Variants in PLPPR4 observed in about 807,000 individuals in gnomAD.
The protein encoded by PLPPR4 is phospholipid phosphatase-related protein type 4.
A neutral mutation model predicts 56.6 loss-of-function variants in PLPPR4; 24 were observed. That is an observed-to-expected ratio of 0.42 (90% CI 0.31 to 0.60). PLPPR4 has a LOEUF of 0.60. Ranked by LOEUF, PLPPR4 falls within the 20% of genes least tolerant of loss-of-function variation. The pLI is 0.13. For missense variants in PLPPR4, 654 were observed against 885.8 expected (o/e 0.74, Z 3.32); for synonymous variants, 326 against 328.1 (o/e 0.99, Z 0.07).
intron 1 of PLPPR4, among the ~76,000 whole-genome samples, chr1:99,264,980 C>T (rs1658854161): frequency 1.3e-5 from 2 of 152,168 alleles, no homozygotes; most frequent in African/African-American, 2.4e-5. Context: ...GCACAACGTC[C>T]GCTAGTGCCC....
Position 99,306,674 on chromosome 1 carries a change from T to C in PLPPR4, c.1812T>C (p.Pro604=). ...EGSGSWKWKA[P]EKGSLRQTYE... is the part of the protein sequence containing the mutation. ...GTGGCTCCTGGAAGTGGAAAGCCCC[T>C]GAAAAGGGCAGCCTTCGCCAAACTT... The change falls in exon 7 of 7, where the codon CCT becomes CCC. Residue 604 remains proline (P), a synonymous_variant. Transcript: ENST00000370185. The surrounding 1 kb of genome is among the most constrained non-coding windows in gnomAD (Gnocchi z 4.0). The C allele has an allele frequency of 1.2e-6, 2 of 1,614,036 alleles. No homozygotes were observed. Among genetic ancestry groups the C allele is most frequent in the Non-Finnish European group, 1.7e-6 (2 of 1,180,000 alleles).
chr1:99,291,370 T>C (rs1205784347), intron 2 of PLPPR4, among the ~76,000 whole-genome samples: 1 of 152,202 alleles, frequency 6.6e-6, no homozygotes, highest in East Asian at 1.9e-4. Context: ...AGAGTGGTGA[T>C]TCCTCAAAGA....
chr1:99,269,778 T>C (rs745496433), intron 1 of PLPPR4, among the ~76,000 whole-genome samples: 1 of 152,082 alleles, frequency 6.6e-6, no homozygotes, highest in Non-Finnish European at 1.5e-5. Context: ...GGGCTACAGA[T>C]AGAGAAAAGA....
intron 3 of PLPPR4, 23 bp from the exon 4 acceptor site, chr1:99,299,012 A>G (rs1463532604): frequency 3.2e-6 from 5 of 1,572,716 alleles, no homozygotes; most frequent in African/African-American, 1.3e-5. Context: ...ACTTGGTAAC[A>G]ATTTCTTTCA....
chr1:99,298,916 C>T (rs1659812100), intron 3 of PLPPR4, 119 bp from the exon 4 acceptor site: 2 of 793,030 alleles, frequency 2.5e-6, no homozygotes, highest in East Asian at 5.3e-5. Flanking sequence ...TTCTTGAAAT[C>T]AACTTAGAGA....
intron 1 of PLPPR4, among the ~76,000 whole-genome samples, chr1:99,267,003 G>A (rs892044626): frequency 8.5e-5 from 13 of 152,182 alleles, no homozygotes; most frequent in African/African-American, 3.1e-4. Context: ...AGTTTCCCAA[G>A]ACCTTAGAAA....
At chr1:99,295,743 C>A (rs1470939559) in intron 2 of PLPPR4, among the ~76,000 whole-genome samples, 1 of 152,100 alleles carries the variant, frequency 6.6e-6, no homozygotes, top group Non-Finnish European at 1.5e-5. Context: ...AATGTGAGTC[C>A]CACAGTAAAA....
At chr1:99,280,122 C>A (rs1325107985) in intron 1 of PLPPR4, among the ~76,000 whole-genome samples, 1 of 152,158 alleles carries the variant, frequency 6.6e-6, no homozygotes, top group Non-Finnish European at 1.5e-5. Flanking sequence ...CATGGGCACC[C>A]CACATGCAGT....
At chr1:99,297,814 A>C (rs1659780704) in intron 3 of PLPPR4, among the ~76,000 whole-genome samples, 1 of 152,116 alleles carries the variant, frequency 6.6e-6, no homozygotes, top group Non-Finnish European at 1.5e-5. Flanking sequence ...ACTCCAGGAC[A>C]TGTAGCTGCA....
At chr1:99,265,976 A>T (rs1165833922) in intron 1 of PLPPR4, among the ~76,000 whole-genome samples, 1 of 151,822 alleles carries the variant, frequency 6.6e-6, no homozygotes, top group Non-Finnish European at 1.5e-5. Context: ...AGAAAAGAAG[A>T]AAAAAAAATC....
intron 4 of PLPPR4, among the ~76,000 whole-genome samples, chr1:99,300,540 C>G (rs1659859733): frequency 6.6e-6 from 1 of 151,862 alleles, no homozygotes; most frequent in Admixed American, 6.6e-5. Context: ...AAGTTTAAAG[C>G]TTTAAACCCC....
upstream of PLPPR4, chr1:99,264,400 G>A (rs1040594501): frequency 9.9e-6 from 14 of 1,416,098 alleles, no homozygotes; most frequent in African/African-American, 1.4e-4. Flanking sequence ...CCCGCTCAGG[G>A]AATAGCTGGG....
At chr1:99,294,852 T>C (rs562255124) in intron 2 of PLPPR4, among the ~76,000 whole-genome samples, 1 of 151,866 alleles carries the variant, frequency 6.6e-6, no homozygotes, top group African/African-American at 2.4e-5. Flanking sequence ...AATATAATTA[T>C]ACAGAGAGAA....
intron 1 of PLPPR4, among the ~76,000 whole-genome samples, chr1:99,268,754 A>T (rs2100782081): frequency 6.6e-6 from 1 of 152,300 alleles, no homozygotes; most frequent in South Asian, 2.1e-4. Flanking sequence ...TCAGACAAGC[A>T]TACCCACACC....
At chr1:99,264,420 A>G (rs1479325594), upstream of PLPPR4, 3 of 1,455,292 alleles carry the variant, frequency 2.1e-6, no homozygotes, top group Non-Finnish European at 2.7e-6. Flanking sequence ...GTTGCTGCAA[A>G]AAGGGGCGGG....
chr1:99,277,853 T>C (rs1659230848), intron 1 of PLPPR4, among the ~76,000 whole-genome samples: 1 of 152,170 alleles, frequency 6.6e-6, no homozygotes, highest in Non-Finnish European at 1.5e-5. Flanking sequence ...ACATGTTCCA[T>C]GACTTTTGAA....
At position 99,278,868 on chromosome 1, in the gene PLPPR4, T is replaced by C. The variant is rs1659255390; in HGVS notation, c.79-9097T>C. On this transcript the variant is annotated intron_variant, in intron 1 of 6. Coordinates refer to ENST00000370185, the MANE Select transcript of PLPPR4 (RefSeq NM_014839.5). ...TTTTTTTCCCATTCAACCTAATACA[T>C]CTATTAGGTGAGGTAGCTCTTCTCT... Among the ~76,000 whole-genome samples, 5 of 152,198 alleles carry C rather than the reference T, an allele frequency of 3.3e-5. No individual in the cohort carries two copies. The South Asian group carries it at 8.3e-4, about 25-fold the overall frequency.
intron 3 of PLPPR4, among the ~76,000 whole-genome samples, chr1:99,297,657 C>T (rs967416177): frequency 6.6e-6 from 1 of 152,028 alleles, no homozygotes; most frequent in South Asian, 2.1e-4. Flanking sequence ...GATAATTATA[C>T]ACAAATTTCT....
chr1:99,296,199 C>T (rs1394326006), intron 2 of PLPPR4, among the ~76,000 whole-genome samples: 2 of 152,138 alleles, frequency 1.3e-5, no homozygotes, highest in African/African-American at 2.4e-5. Flanking sequence ...AGCCACTAGC[C>T]ACCTGTGGCC....
Sources: allele counts gnomAD v4.1 joint callset (sites outside exome capture counted in the v4.1 genomes callset), GRCh38; gene constraint gnomAD v4.1.1; non-coding constraint Gnocchi (gnomAD v3.1); transcripts MANE v1.5; gene names NCBI Gene and HGNC (gene_info 2026-07-23, HGNC 2026-07-21).